ATAD2B: variants seen among roughly 807,000 people sequenced by gnomAD.
ATAD2B encodes the protein ATPase family AAA domain-containing protein 2B.
A neutral mutation model predicts 167.6 loss-of-function variants in ATAD2B; 40 were observed. The observed-to-expected ratio is 0.24, with a 90% CI of 0.19 to 0.31. The LOEUF (loss-of-function observed/expected upper bound fraction) is 0.31, where lower values mean the gene tolerates loss of function less well. Among genes scored for constraint, ATAD2B ranks in the 10% least tolerant of loss-of-function variants. The pLI, the probability that ATAD2B is intolerant of heterozygous loss-of-function variation, is 1.00. For missense variants in ATAD2B, 1,242 were observed against 1,757.2 expected, an observed-to-expected ratio of 0.71 and a Z score of 5.24; for synonymous variants, 579 against 596.5, an observed-to-expected ratio of 0.97 and a Z score of 0.43.
the ATAD2B span, among the ~76,000 whole-genome samples, chr2:23,695,073 C>T: frequency 3.3e-5 from 5 of 152,132 alleles, no homozygotes; most frequent in African/African-American, 1.2e-4. This position sits in a 1 kb window ranked among gnomAD's most constrained non-coding sequence, Gnocchi z 7.6. Context: ...GTAAAACCAC[C>T]TCAGTGCAGG....
chr2:23,856,682 G>A (rs111877322), intron 13 of ATAD2B, among the ~76,000 whole-genome samples: 3,395 of 150,982 alleles, frequency 0.022, 135 homozygotes, highest in African/African-American at 0.078. Context: ...CCAATATGGC[G>A]AAACCCCATC....
intron 1 of ATAD2B, among the ~76,000 whole-genome samples, chr2:23,925,836 T>C (rs1055308167): frequency 2.0e-5 from 3 of 152,212 alleles, no homozygotes; most frequent in African/African-American, 7.2e-5. Context: ...TTTGGCATGA[T>C]GGTGCTGACT....
At chr2:23,773,925 T>A (rs893859691) in intron 22 of ATAD2B, among the ~76,000 whole-genome samples, 1 of 152,224 alleles carries the variant, frequency 6.6e-6, no homozygotes, top group Non-Finnish European at 1.5e-5. Context: ...TTAGGACATA[T>A]AGATGAGTAT....
intron 13 of ATAD2B, among the ~76,000 whole-genome samples, chr2:23,844,570 A>G (rs191192721): frequency 6.6e-6 from 1 of 152,246 alleles, no homozygotes; most frequent in Non-Finnish European, 1.5e-5. Context: ...ATATGTATAG[A>G]TGAAAACAAA....
intron 12 of ATAD2B, among the ~76,000 whole-genome samples, chr2:23,860,910 G>A (rs1038154887): frequency 1.3e-5 from 2 of 152,170 alleles, no homozygotes; most frequent in Non-Finnish European, 2.9e-5. Context: ...GGTGGAGGTT[G>A]CAGTGAGCCA....
chr2:23,694,465 T>C, the ATAD2B span, among the ~76,000 whole-genome samples: 1 of 152,186 alleles, frequency 6.6e-6, no homozygotes, highest in Non-Finnish European at 1.5e-5. Flanking sequence ...CCCTCCAGCC[T>C]GAGCGGTCTC....
At chr2:23,703,917 G>T in the ATAD2B span, 1 of 1,495,758 alleles carries the variant, frequency 6.7e-7, no homozygotes, top group Non-Finnish European at 8.9e-7. Context: ...GGGAGGAGGA[G>T]GGGTGTGACC....
chr2:23,919,188 A>AAGAGAG (rs147968741), intron 1 of ATAD2B, among the ~76,000 whole-genome samples: 1 of 150,862 alleles, frequency 6.6e-6, no homozygotes, highest in African/African-American at 2.4e-5. Flanking sequence ...ATTAAAAAAA[A>AAGAGAG]AGAGAGAGAG....
chr2:23,703,648 T>C, the ATAD2B span: 1 of 1,463,118 alleles, frequency 6.8e-7, no homozygotes, highest in Non-Finnish European at 9.0e-7. Flanking sequence ...CTGGAGGGTC[T>C]TCTGGGAAAG....
intron 20 of ATAD2B, 82 bp downstream of exon 20, chr2:23,788,430 A>G: frequency 2.1e-6 from 3 of 1,450,332 alleles, no homozygotes; most frequent in Non-Finnish European, 2.8e-6. Flanking sequence ...CCAAGAAGAA[A>G]GGGCTAAAAT....
chr2:23,819,529 C>T (rs1245752946), intron 17 of ATAD2B, among the ~76,000 whole-genome samples: 4 of 150,644 alleles, frequency 2.7e-5, no homozygotes, highest in Non-Finnish European at 5.9e-5. Flanking sequence ...AGGAAAGATT[C>T]TTCTACTTGG....
At chr2:23,703,934 AT>A in the ATAD2B span, 1 of 1,440,514 alleles carries the variant, frequency 6.9e-7, no homozygotes, top group Non-Finnish European at 9.2e-7. Flanking sequence ...GACCACAATG[AT>A]TTCCTGCCAT....
chr2:23,841,668 A>C (rs1278496342), intron 13 of ATAD2B, among the ~76,000 whole-genome samples: 1 of 152,112 alleles, frequency 6.6e-6, no homozygotes, highest in African/African-American at 2.4e-5. Flanking sequence ...TACACAGGCC[A>C]CGACACTCAG....
chr2:23,776,600 A>T (rs1679170758), intron 22 of ATAD2B, among the ~76,000 whole-genome samples: 1 of 152,166 alleles, frequency 6.6e-6, no homozygotes, highest in Admixed American at 6.5e-5. Context: ...TGTTTTTTTC[A>T]TACCTCTGTT....
chr2:23,727,035 T>C, the ATAD2B span, among the ~76,000 whole-genome samples: 1 of 152,188 alleles, frequency 6.6e-6, no homozygotes, highest in Non-Finnish European at 1.5e-5. Flanking sequence ...ATTGTTAGAT[T>C]AGATTTTTAA....
At chr2:23,694,913 C>T in the ATAD2B span, among the ~76,000 whole-genome samples, 4 of 152,294 alleles carry the variant, frequency 2.6e-5, no homozygotes, top group South Asian at 2.1e-4. Context: ...AAACTGTGTA[C>T]CCCTTGAGGT....
intron 24 of ATAD2B, among the ~76,000 whole-genome samples, chr2:23,758,441 GACC>G (rs1275500277): frequency 1.3e-5 from 2 of 152,144 alleles, no homozygotes; most frequent in Non-Finnish European, 2.9e-5. Flanking sequence ...TTTAAAGAAT[GACC>G]ACATTACCAG....
At chr2:23,845,189 C>A (rs1043195944) in intron 13 of ATAD2B, among the ~76,000 whole-genome samples, 2 of 152,138 alleles carry the variant, frequency 1.3e-5, no homozygotes, top group African/African-American at 4.8e-5. Context: ...AAACTACCAT[C>A]CTGCCTAGCA....
At chr2:23,698,103 C>T in the ATAD2B span, among the ~76,000 whole-genome samples, 5 of 152,250 alleles carry the variant, frequency 3.3e-5, no homozygotes, top group African/African-American at 1.2e-4. Context: ...TGGAGCAGTT[C>T]TCCAAGACCA....
Sources: gnomAD v4.1 joint callset for allele counts (sites outside exome capture counted in the v4.1 genomes callset) on GRCh38, gnomAD v4.1.1 for gene constraint, Gnocchi (gnomAD v3.1) non-coding constraint, MANE v1.5 for transcripts, NCBI Gene and HGNC (gene_info 2026-07-23, HGNC 2026-07-21) for gene names.